Variants in BMP2K observed in about 807,000 individuals in gnomAD.
The protein encoded by BMP2K is BMP2 inducible kinase, also known as BMP-2-inducible protein kinase.
BMP2K carries 74 observed loss-of-function variants against 116.0 expected under a neutral mutation model. The observed-to-expected ratio is 0.64, with a 90% CI of 0.53 to 0.77. BMP2K has a LOEUF of 0.77. Ranked by LOEUF, BMP2K falls within the 30% of genes least tolerant of loss-of-function variation. The pLI, the probability that BMP2K is intolerant of heterozygous loss-of-function variation, is 0.00. For synonymous variants in BMP2K, 486 were observed against 502.5 expected (o/e 0.97, Z 0.44); for missense variants, 1,365 against 1,403.6 (o/e 0.97, Z 0.44).
chr4:78,850,590 C>G (rs1348659346), intron 6 of BMP2K, among the ~76,000 whole-genome samples: 1 of 151,696 alleles, frequency 6.6e-6, no homozygotes, highest in Non-Finnish European at 1.5e-5. Flanking sequence ...AAGCTTTATA[C>G]TTTGTTGGTT....
At chr4:78,858,085 A>G (rs182086909) in intron 7 of BMP2K, among the ~76,000 whole-genome samples, 4 of 152,090 alleles carry the variant, frequency 2.6e-5, no homozygotes, top group East Asian at 1.9e-4. Context: ...ATAATTAGCT[A>G]TTGTTGAAAT....
chr4:78,840,842 T>C (rs779063590), intron 3 of BMP2K, among the ~76,000 whole-genome samples: 1 of 152,208 alleles, frequency 6.6e-6, no homozygotes, highest in African/African-American at 2.4e-5. Flanking sequence ...TATTTTAACA[T>C]TAAAAGTTTG....
At chr4:78,783,555 C>CA (rs200754382) in intron 1 of BMP2K, among the ~76,000 whole-genome samples, 2,881 of 152,300 alleles carry the variant, frequency 0.019, 85 homozygotes, top group African/African-American at 0.062. Context: ...CCTGTAATCC[C>CA]AGCACTTTGG....
intron 1 of BMP2K, among the ~76,000 whole-genome samples, chr4:78,783,280 C>T (rs1160634216): frequency 2.0e-5 from 3 of 152,056 alleles, no homozygotes; most frequent in African/African-American, 7.2e-5. Context: ...AAATTATTTG[C>T]AACAAAGGAC....
intron 15 of BMP2K, among the ~76,000 whole-genome samples, chr4:78,889,082 G>A (rs1214211106): frequency 2.0e-5 from 3 of 152,142 alleles, no homozygotes; most frequent in South Asian, 2.1e-4. Flanking sequence ...TCAGCCAGGC[G>A]TGGTGGTGGG....
intron 4 of BMP2K, among the ~76,000 whole-genome samples, chr4:78,843,340 T>G (rs1478528149): frequency 6.6e-6 from 1 of 151,954 alleles, no homozygotes; most frequent in Non-Finnish European, 1.5e-5. Flanking sequence ...CCTGTGATAC[T>G]GTATAATTTG....
intron 1 of BMP2K, among the ~76,000 whole-genome samples, chr4:78,821,707 G>C (rs2109991190): frequency 6.6e-6 from 1 of 152,216 alleles, no homozygotes; most frequent in Non-Finnish European, 1.5e-5. Context: ...ACTTAGCTCT[G>C]TTTTAAGGAT....
Position 78,822,920 on chromosome 4 carries a change from T to C in BMP2K, c.179-3117T>C, listed in dbSNP as rs79515166. On this transcript the variant is annotated intron_variant, in intron 1 of 15. Transcript: ENST00000502613. ...GGTGGCAAGTATTACACCCCTCTCT[T>C]GGACTACTATAGTGTCCTAACTAGT... is the stretch of plus-strand genomic sequence containing the variant. Among the ~76,000 whole-genome samples, 20 of 152,274 alleles carry C rather than the reference T, an allele frequency of 1.3e-4. No homozygotes were observed. In the East Asian group the frequency reaches 3.9e-3, roughly 29 times the overall value.
chr4:78,817,436 A>G (rs1285961726), intron 1 of BMP2K, among the ~76,000 whole-genome samples: 2 of 152,212 alleles, frequency 1.3e-5, no homozygotes. Flanking sequence ...GAACTCAGGA[A>G]AGTGCTACGC....
At chr4:78,847,157 T>C (rs950688219) in intron 5 of BMP2K, 31 bp from the exon 6 acceptor site, 2 of 1,200,024 alleles carry the variant, frequency 1.7e-6, no homozygotes, top group African/African-American at 1.6e-5. Flanking sequence ...TATATATATA[T>C]CTCCACTCCA....
chr4:78,821,304 G>A (rs762742081), intron 1 of BMP2K, among the ~76,000 whole-genome samples: 1 of 152,132 alleles, frequency 6.6e-6, no homozygotes, highest in Non-Finnish European at 1.5e-5. Context: ...TTAGTGTGAC[G>A]ATGCAGAAAG....
In BMP2K at chr4:78,872,327, TTTA is replaced by T. The variant is rs1173443961; in HGVS notation, c.1609-286_1609-284del. The T allele has an allele frequency of 4.4e-4, 93 of 211,558 alleles. 4 individuals carry two copies. Among genetic ancestry groups the T allele is most frequent in the East Asian group, 2.4e-3 (25 of 10,602 alleles). 13.1% of individuals were successfully genotyped at this position (211,558 alleles called of 1,614,324 possible). A position where few individuals can be genotyped will look rare whatever the true frequency, so the allele number is the denominator to read the frequency against. ...CCTTTTTTTTTTTTTTTTTTTTTTT[TTTA>T]ACAGCAACCACTATATTAGTGACTT... On this transcript the variant is annotated intron_variant, in intron 12 of 15. Transcript: ENST00000502613.
At chr4:78,794,355 C>T (rs755277568) in intron 1 of BMP2K, among the ~76,000 whole-genome samples, 9 of 151,994 alleles carry the variant, frequency 5.9e-5, no homozygotes, top group Admixed American at 2.0e-4. Context: ...AAACTGTAAA[C>T]GGACCCGAGA....
At chr4:78,852,433 G>A (rs1731300951) in intron 7 of BMP2K, among the ~76,000 whole-genome samples, 1 of 152,068 alleles carries the variant, frequency 6.6e-6, no homozygotes, top group African/African-American at 2.4e-5. Context: ...AAGTCAATCT[G>A]AAATTACAAT....
intron 4 of BMP2K, among the ~76,000 whole-genome samples, chr4:78,844,466 G>A (rs868658008): frequency 1.5e-4 from 23 of 151,730 alleles, no homozygotes; most frequent in African/African-American, 5.1e-4. Context: ...AGTAGTTTCT[G>A]TTATTATCTA....
chr4:78,889,286 C>T (rs1235916036), intron 15 of BMP2K, among the ~76,000 whole-genome samples: 1 of 134,774 alleles, frequency 7.4e-6, no homozygotes, highest in Non-Finnish European at 1.6e-5. Context: ...TCTTTTTAAA[C>T]AGTGTGAACA....
intron 7 of BMP2K, among the ~76,000 whole-genome samples, chr4:78,852,550 A>G (rs1308356826): frequency 1.3e-5 from 2 of 152,156 alleles, no homozygotes; most frequent in Non-Finnish European, 2.9e-5. Context: ...TAACTTACTT[A>G]CCTATAATGT....
chr4:78,840,342 C>T (rs1051408487), intron 3 of BMP2K, among the ~76,000 whole-genome samples: 5 of 151,930 alleles, frequency 3.3e-5, no homozygotes, highest in African/African-American at 1.2e-4. Flanking sequence ...AAACAGAGCT[C>T]CCATACAAAG....
At chr4:78,781,190 T>C (rs1727487854) in intron 1 of BMP2K, among the ~76,000 whole-genome samples, 1 of 152,178 alleles carries the variant, frequency 6.6e-6, no homozygotes, top group Admixed American at 6.5e-5. Flanking sequence ...AACAGGAAGC[T>C]ATTGAAGGGT....
Sources: allele counts gnomAD v4.1 joint callset (sites outside exome capture counted in the v4.1 genomes callset), GRCh38; gene constraint gnomAD v4.1.1; transcripts MANE v1.5; gene names NCBI Gene and HGNC (gene_info 2026-07-23, HGNC 2026-07-21).